Variants in DLG2 observed in about 807,000 individuals in gnomAD.
The protein encoded by DLG2 is disks large homolog 2.
Under a neutral mutation model 132.5 loss-of-function variants are expected in DLG2, and 45 were observed. The observed-to-expected ratio is 0.34, with a 90% confidence interval of 0.27 to 0.44. The LOEUF (loss-of-function observed/expected upper bound fraction) is 0.44, where lower values mean the gene tolerates loss of function less well. DLG2 is among the 20% of genes least tolerant of loss of function. The pLI is 1.00. For synonymous variants in DLG2, 424 were observed against 419.6 expected (o/e 1.01, Z -0.13); for missense variants, 1,045 against 1,196.9 (o/e 0.87, Z 1.87).
chr11:85,088,994 C>A (rs2444253), intron 6 of DLG2, among the ~76,000 whole-genome samples: 8 of 152,082 alleles, frequency 5.3e-5, no homozygotes, highest in Admixed American at 2.6e-4. Flanking sequence ...ACAAGAAAAC[C>A]TAAAAATATC....
Position 85,279,734 on chromosome 11 carries a change from T to C in DLG2, c.186+5486A>G, listed in dbSNP as rs574360717. On this transcript the variant is annotated intron_variant, in intron 4 of 27. Coordinates refer to ENST00000376104, the MANE Select transcript of DLG2 (RefSeq NM_001142699.3). Reference sequence around the variant, plus strand: ...AACAAGCAAACAGCAAAAAAAAAAATTGTTTTTATTTAAATGTCAAGAGCC... The same window carrying C: ...AACAAGCAAACAGCAAAAAAAAAAACTGTTTTTATTTAAATGTCAAGAGCC... Among the ~76,000 whole-genome samples, 34 of 151,190 alleles carry C rather than the reference T, an allele frequency of 2.2e-4. No individual in the cohort carries two copies. The East Asian group carries it at 6.2e-3, about 28-fold the overall frequency.
At chr11:84,937,955 G>A (rs1274415266) in intron 6 of DLG2, among the ~76,000 whole-genome samples, 1 of 152,124 alleles carries the variant, frequency 6.6e-6, no homozygotes, top group Non-Finnish European at 1.5e-5. Flanking sequence ...CTCTGGCCCA[G>A]AACAGAGAAA....
chr11:83,974,948 T>G (rs772101523), intron 12 of DLG2, among the ~76,000 whole-genome samples: 1 of 152,050 alleles, frequency 6.6e-6, no homozygotes, highest in Admixed American at 6.6e-5. Context: ...AAAAGTTCTC[T>G]CACTGACAAT....
chr11:84,811,258 G>A (rs1440795726), intron 6 of DLG2, among the ~76,000 whole-genome samples: 1 of 152,068 alleles, frequency 6.6e-6, no homozygotes. Flanking sequence ...GGTATATAAG[G>A]TATGCATGTG....
intron 4 of DLG2, among the ~76,000 whole-genome samples, chr11:85,161,931 G>C (rs1263153974): frequency 6.6e-6 from 1 of 152,136 alleles, no homozygotes; most frequent in East Asian, 1.9e-4. Context: ...AAGTGGAAGT[G>C]GCACCATTCA....
chr11:84,973,052 G>A (rs866858438), intron 6 of DLG2, among the ~76,000 whole-genome samples: 1 of 151,622 alleles, frequency 6.6e-6, no homozygotes, highest in South Asian at 2.1e-4. Flanking sequence ...CCTCCTCCCA[G>A]GTTTAAGTGA....
chr11:83,653,825 AGATTCTCCTGTGCCAGCCT>A lies in DLG2; in HGVS notation c.1826-20519_1826-20501del, dbSNP rs770034952. Among the ~76,000 whole-genome samples, 807 of 152,086 alleles carry A rather than the reference AGATTCTCCTGTGCCAGCCT, an allele frequency of 5.3e-3. 5 individuals carry two copies. Among genetic ancestry groups the A allele is most frequent in the Non-Finnish European group, 8.5e-3 (576 of 67,976 alleles). ...GCAACCTCTGCCTCCCAGGTTCAAGAGATTCTCCTGTGCCAGCCTCCCGAGTAGCTGGTATTACAGGCAT... is the reference window on the plus strand; with the variant it reads ...GCAACCTCTGCCTCCCAGGTTCAAGACCCGAGTAGCTGGTATTACAGGCAT... On this transcript the variant is annotated intron_variant, in intron 18 of 27. Transcript: ENST00000376104.
intron 4 of DLG2, among the ~76,000 whole-genome samples, chr11:85,169,284 A>G (rs2078677523): frequency 6.6e-6 from 1 of 152,172 alleles, no homozygotes; most frequent in South Asian, 2.1e-4. Context: ...GAGAAGTTCA[A>G]CTGTGTCTAT....
chr11:84,748,394 G>A (rs181040072), intron 6 of DLG2, among the ~76,000 whole-genome samples: 1 of 152,228 alleles, frequency 6.6e-6, no homozygotes, highest in Non-Finnish European at 1.5e-5. Flanking sequence ...TACATAATGA[G>A]AAGTTGAAAA....
intron 17 of DLG2, among the ~76,000 whole-genome samples, chr11:83,809,006 G>T (rs1361831082): frequency 1.3e-5 from 2 of 151,928 alleles, no homozygotes; most frequent in African/African-American, 4.8e-5. Flanking sequence ...GGTCTCACTT[G>T]CTTTTTCTTA....
At chr11:85,040,945 C>T (rs565006091) in intron 6 of DLG2, among the ~76,000 whole-genome samples, 121 of 151,962 alleles carry the variant, frequency 8.0e-4, no homozygotes, top group African/African-American at 2.9e-3. Context: ...TTACACACCA[C>T]TTTCCAGTTA....
chr11:83,559,968 A>G (rs2096583235), intron 19 of DLG2, among the ~76,000 whole-genome samples: 1 of 152,226 alleles, frequency 6.6e-6, no homozygotes, highest in African/African-American at 2.4e-5. Context: ...TAAGAAAGAA[A>G]GTAACTTCTT....
At chr11:84,796,694 G>A (rs186056179) in intron 6 of DLG2, among the ~76,000 whole-genome samples, 9,011 of 79,128 alleles carry the variant, frequency 0.11, 358 homozygotes, top group Non-Finnish European at 0.24. Context: ...TTTTCCCCCT[G>A]CAGCACTTTA....
intron 21 of DLG2, among the ~76,000 whole-genome samples, chr11:83,523,990 T>A (rs151028285): frequency 7.2e-5 from 11 of 152,274 alleles, no homozygotes; most frequent in Non-Finnish European, 1.5e-4. Flanking sequence ...CTCTCCCTTC[T>A]TCCTCTGTGC....
chr11:83,759,662 C>T (rs2093814116), intron 18 of DLG2, among the ~76,000 whole-genome samples: 1 of 152,136 alleles, frequency 6.6e-6, no homozygotes, highest in South Asian at 2.1e-4. Context: ...AGAGAGGTTC[C>T]TGTTGACACA....
chr11:84,066,992 G>A (rs1368843134), intron 10 of DLG2, among the ~76,000 whole-genome samples: 5 of 152,120 alleles, frequency 3.3e-5, no homozygotes, highest in African/African-American at 1.2e-4. Flanking sequence ...AATGCATGAT[G>A]AAATTTTAAA....
At chr11:85,544,165 G>A (rs1190018253) in intron 3 of DLG2, among the ~76,000 whole-genome samples, 1 of 152,122 alleles carries the variant, frequency 6.6e-6, no homozygotes, top group African/African-American at 2.4e-5. Flanking sequence ...GTTAATTTTT[G>A]TATAAGGTAT....
intron 3 of DLG2, among the ~76,000 whole-genome samples, chr11:85,505,818 G>T (rs1045801665): frequency 1.3e-5 from 2 of 152,284 alleles, no homozygotes; most frequent in South Asian, 4.1e-4. Flanking sequence ...TTGTACCTCT[G>T]GTAGAATCCA....
intron 20 of DLG2, 102 bp from the exon 21 acceptor site, chr11:83,532,885 A>C: frequency 2.2e-6 from 2 of 921,100 alleles, no homozygotes; most frequent in Non-Finnish European, 3.4e-6. Context: ...CTTGAAGCTC[A>C]AATAAAATGT....
Sources: allele counts gnomAD v4.1 joint callset (sites outside exome capture counted in the v4.1 genomes callset), GRCh38; gene constraint gnomAD v4.1.1; transcripts MANE v1.5; gene names NCBI Gene and HGNC (gene_info 2026-07-23, HGNC 2026-07-21).